The following WHAMM variants were observed in gnomAD, a reference collection of about 807,000 sequenced individuals.
WHAMM encodes the protein WASP homolog-associated protein with actin, membranes and microtubules.
In WHAMM, 67 loss-of-function variants were observed where a neutral mutation model predicts 76.5. The ratio of observed to expected loss-of-function variants is 0.88; its 90% CI spans 0.72 to 1.07. The LOEUF is 1.07. Ranked by LOEUF, WHAMM falls within the 50% of genes least tolerant of loss-of-function variation. WHAMM has a pLI of 0.00. For missense variants in WHAMM, 1,021 were observed against 1,051.1 expected (o/e 0.97, Z 0.40); for synonymous variants, 419 against 422.1 (o/e 0.99, Z 0.09).
chr15:82,831,828 A>T (rs905989548), intron 9 of WHAMM, among the ~76,000 whole-genome samples: 1 of 152,204 alleles, frequency 6.6e-6, no homozygotes, highest in African/African-American at 2.4e-5. Context: ...AGCAAAATTT[A>T]TGTAAATTTG....
At chr15:82,823,944 G>A (rs2050883312) in intron 6 of WHAMM, among the ~76,000 whole-genome samples, 1 of 151,930 alleles carries the variant, frequency 6.6e-6, no homozygotes, top group Admixed American at 6.6e-5. Context: ...ATATTTTACT[G>A]TAAATTATTG....
intron 8 of WHAMM, among the ~76,000 whole-genome samples, chr15:82,827,924 AAC>A (rs934365769): frequency 4.6e-5 from 7 of 152,186 alleles, no homozygotes; most frequent in Non-Finnish European, 7.3e-5. Context: ...CAGCCTGAAC[AAC>A]AGAGTGAGAC....
chr15:82,809,684 G>A lies in WHAMM; in HGVS notation c.-43G>A. 7.4e-7 allele frequency: 1 copy of A among 1,342,626 alleles called. No homozygotes were observed. Among genetic ancestry groups the A allele is most frequent in the Non-Finnish European group, 9.6e-7 (1 of 1,037,436 alleles). The allele number at this position is 1,342,626 out of a possible 1,614,324, so 83.2% of individuals were successfully genotyped here. ...CGTGACAGGCGGTGCGAGGAGGCCA[G>A]GCCCGCGCCCGCCGAGCCCTAGGGC... On this transcript the variant is annotated 5_prime_UTR_variant, in exon 1 of 10. Coordinates refer to ENST00000286760, the MANE Select transcript of WHAMM (RefSeq NM_001080435.3).
chr15:82,824,151 A>C (rs2050887592), intron 6 of WHAMM, among the ~76,000 whole-genome samples: 1 of 98,648 alleles, frequency 1.0e-5, no homozygotes, highest in Non-Finnish European at 2.3e-5. Context: ...CATATTTACT[A>C]TACTTTTCTC....
chr15:82,824,611 G>A (rs2050898759), intron 6 of WHAMM, among the ~76,000 whole-genome samples: 1 of 151,920 alleles, frequency 6.6e-6, no homozygotes, highest in African/African-American at 2.4e-5. Flanking sequence ...ATGAGTCACA[G>A]CGCCTGGCCA....
At chr15:82,814,486 T>C (rs1002182050) in intron 2 of WHAMM, among the ~76,000 whole-genome samples, 3 of 152,200 alleles carry the variant, frequency 2.0e-5, no homozygotes, top group Non-Finnish European at 4.4e-5. Context: ...GTTTTGCTCT[T>C]GTTACCTAGG....
rs1567002313 is a variant in WHAMM, at chr15:82,835,149, C to CA, written c.*1614dup. The CA allele has an allele frequency of 6.8e-6, 1 of 146,812 alleles. No individual in the cohort carries two copies. Among genetic ancestry groups the CA allele is most frequent in the Non-Finnish European group, 1.5e-5 (1 of 66,770 alleles). The allele number at this position is 146,812 out of a possible 1,614,324, so 9.1% of individuals were successfully genotyped here. On this transcript the variant is annotated 3_prime_UTR_variant, in exon 10 of 10. Transcript: ENST00000286760. ...AGTTTTTTTGTTTTTTTTTTTGAGA[C>CA]AGAGTCTTGCTCTGTCAACCAGGCT... is the stretch of plus-strand genomic sequence containing the variant.
chr15:82,811,400 C>G (rs1179604553), intron 1 of WHAMM, among the ~76,000 whole-genome samples: 1 of 152,162 alleles, frequency 6.6e-6, no homozygotes, highest in Admixed American at 6.5e-5. Flanking sequence ...TTTTTACACA[C>G]TCGGTTTCTC....
rs186226012 is a variant in WHAMM at position 82,826,856 on chromosome 15, A to G, written c.1641+10A>G. On this transcript the variant is annotated intron_variant, in intron 8 of 9. Transcript: ENST00000286760. Reference sequence around the variant, plus strand: ...GAGATCATTTAAAGATGTAAGTTCTATAAACAATCACCTCATCTACACTTC... The same window carrying G: ...GAGATCATTTAAAGATGTAAGTTCTGTAAACAATCACCTCATCTACACTTC... The G allele has an allele frequency of 2.0e-6, 3 of 1,534,042 alleles. No homozygotes were observed. Among genetic ancestry groups the G allele is most frequent in the Middle Eastern group, 2.3e-4 (1 of 4,296 alleles).
chr15:82,829,208 C>T (rs1361745111), intron 8 of WHAMM, among the ~76,000 whole-genome samples: 6 of 152,216 alleles, frequency 3.9e-5, no homozygotes, highest in Admixed American at 2.6e-4. Context: ...CCATGGCTCA[C>T]GCCTGTAATC....
Position 82,810,270 on chromosome 15 carries a change from C to G in WHAMM, c.544C>G (p.Pro182Ala), listed in dbSNP as rs768459153. ...GGGCGGCGCGGCCGACTGCGAAAGC[C>G]CGCGCGAGTTCCGGGAGCGGGCCTT... Reference protein sequence around the residue: ...AEGGAADCESPREFRERALRA... With the variant: ...AEGGAADCESAREFRERALRA... The change falls in exon 1 of 10, where the codon CCG becomes GCG. Residue 182 changes from proline (P) to alanine (A), a missense_variant. Coordinates refer to ENST00000286760, the MANE Select transcript of WHAMM (RefSeq NM_001080435.3). 4 of 1,377,852 alleles carry G rather than the reference C, an allele frequency of 2.9e-6. No homozygotes were observed. Among genetic ancestry groups the G allele is most frequent in the Non-Finnish European group, 3.7e-6 (4 of 1,068,268 alleles). 85.4% of individuals were successfully genotyped at this position (1,377,852 alleles called of 1,614,324 possible). A position where few individuals can be genotyped will look rare whatever the true frequency, so the allele number is the denominator to read the frequency against.
chr15:82,821,415 T>C (rs1472415287), intron 5 of WHAMM, among the ~76,000 whole-genome samples: 2 of 152,238 alleles, frequency 1.3e-5, no homozygotes, highest in Admixed American at 1.3e-4. Flanking sequence ...AGGTGGAATT[T>C]ATTTTGATTG....
intron 7 of WHAMM, 46 bp downstream of exon 7, chr15:82,826,542 C>CA: frequency 6.3e-7 from 1 of 1,597,136 alleles, no homozygotes; most frequent in East Asian, 2.2e-5. Flanking sequence ...TGTAGCGTGA[C>CA]ATGCAGGCCT....
chr15:82,819,397 A>G lies in WHAMM; in HGVS notation c.1179A>G (p.Gln393=), dbSNP rs751361930. The G allele has an allele frequency of 3.3e-6, 4 of 1,207,642 alleles. No homozygotes were observed. The highest frequency in any genetic ancestry group is 4.5e-6 in the Non-Finnish European group (4 of 895,822). The allele number at this position is 1,207,642 out of a possible 1,614,324, so 74.8% of individuals were successfully genotyped here. A position where few individuals can be genotyped will look rare whatever the true frequency, so the allele number is the denominator to read the frequency against. The change falls in exon 5 of 10, where the codon CAA becomes CAG. Residue 393 remains glutamine (Q), a synonymous_variant. Coordinates refer to ENST00000286760, the MANE Select transcript of WHAMM (RefSeq NM_001080435.3). ...DELEIQFYEI[Q]LELYEVKFEI... is the part of the protein sequence containing the mutation. The stretch of plus-strand genomic sequence containing the variant: ...TAGAAATACAATTTTATGAAATTCA[A>G]TTAGAACTATATGAAGTTAAATTTG...
intron 5 of WHAMM, among the ~76,000 whole-genome samples, chr15:82,819,996 T>G: frequency 6.6e-6 from 1 of 150,382 alleles, no homozygotes; most frequent in African/African-American, 2.5e-5. Context: ...CACTCTAGCC[T>G]GGACAACAGG....
In WHAMM at chr15:82,830,882, C is replaced by A; in HGVS notation, c.1925C>A (p.Pro642His). ...GAGGAATTGTCACTGCCACCACCTC[C>A]TCCTCCTCCACCACCACCACCGCCG... ...SSEELSLPPP[P>H]PPPPPPPPPP... The change falls in exon 9 of 10, where the codon CCT becomes CAT. Residue 642 changes from proline to histidine, a missense_variant. By Grantham distance (77) the Pro-to-His change is moderately conservative. This residue lies in a region of WHAMM where 509 missense variants were observed against 492.3 expected (regional missense o/e 1.03). Transcript: ENST00000286760. 6.3e-7 allele frequency: 1 copy of A among 1,581,880 alleles called. No homozygotes were observed.
chr15:82,824,803 A>C (rs928876046), intron 6 of WHAMM, among the ~76,000 whole-genome samples: 3 of 152,218 alleles, frequency 2.0e-5, no homozygotes, highest in East Asian at 1.9e-4. Flanking sequence ...AAAACATGAA[A>C]ATTGTGACTT....
chr15:82,815,651 A>G (rs996302341), intron 2 of WHAMM, among the ~76,000 whole-genome samples: 7 of 152,312 alleles, frequency 4.6e-5, no homozygotes, highest in African/African-American at 1.4e-4. Context: ...ACAGTTTTCC[A>G]AAGTGGGTGC....
At chr15:82,827,587 C>T (rs1437527010) in intron 8 of WHAMM, among the ~76,000 whole-genome samples, 3 of 152,122 alleles carry the variant, frequency 2.0e-5, no homozygotes, top group African/African-American at 7.2e-5. Context: ...ATGATCAAAT[C>T]AGGGTAATTA....
Sources: allele counts gnomAD v4.1 joint callset (sites outside exome capture counted in the v4.1 genomes callset), GRCh38; gene constraint gnomAD v4.1.1; regional missense constraint gnomAD v4.1.1; transcripts MANE v1.5; gene names NCBI Gene and HGNC (gene_info 2026-07-23, HGNC 2026-07-21).